NKAIN2: variants seen among roughly 807,000 people sequenced by gnomAD.
NKAIN2 encodes the protein sodium/potassium transporting ATPase interacting 2.
Under a neutral mutation model 32.6 loss-of-function variants are expected in NKAIN2, and 14 were observed. The ratio of observed to expected loss-of-function variants is 0.43; its 90% CI spans 0.28 to 0.67. The LOEUF is 0.67. NKAIN2 is among the 30% of genes least tolerant of loss of function. The pLI is 0.17. For synonymous variants in NKAIN2, 80 were observed against 87.2 expected, an observed-to-expected ratio of 0.92 and a Z score of 0.46; for missense variants, 198 against 258.3, an observed-to-expected ratio of 0.77 and a Z score of 1.60.
intron 1 of NKAIN2, among the ~76,000 whole-genome samples, chr6:123,856,128 G>A (rs1454669102): frequency 6.6e-6 from 1 of 151,922 alleles, no homozygotes; most frequent in East Asian, 1.9e-4. Flanking sequence ...AAATTTGTAT[G>A]GCCTGTTTAT....
chr6:124,148,323 A>G (rs1314367234), intron 1 of NKAIN2, among the ~76,000 whole-genome samples: 1 of 152,132 alleles, frequency 6.6e-6, no homozygotes, highest in East Asian at 1.9e-4. Flanking sequence ...GTATATTTAC[A>G]AAGTTGTGCA....
chr6:124,384,496 G>C (rs772624415), intron 3 of NKAIN2, among the ~76,000 whole-genome samples: 2 of 152,124 alleles, frequency 1.3e-5, no homozygotes, highest in Non-Finnish European at 2.9e-5. Flanking sequence ...TAAATTATGT[G>C]CTTTATCAAG....
intron 1 of NKAIN2, among the ~76,000 whole-genome samples, chr6:124,268,987 T>C (rs1304803682): frequency 6.6e-6 from 1 of 152,190 alleles, no homozygotes; most frequent in East Asian, 1.9e-4. Flanking sequence ...AGAGTAATGC[T>C]ATTAATATTA....
rs551172764 is a variant in NKAIN2 at position 124,513,719 on chromosome 6, T to C, written c.274-144467T>C. Among the ~76,000 whole-genome samples the C allele has an allele frequency of 1.1e-4, 17 of 152,262 alleles. No individual in the cohort carries two copies. The South Asian group carries it at 3.3e-3, about 30-fold the overall frequency. On this transcript the variant is annotated intron_variant, in intron 3 of 6. Coordinates refer to ENST00000368417, the MANE Select transcript of NKAIN2 (RefSeq NM_001040214.3). ...GTAATAGTAACAGAATCACCAAAAG[T>C]CTATTTGAGAGGCATATAGAAAGCT...
At chr6:124,548,253 C>G (rs1780165707) in intron 3 of NKAIN2, among the ~76,000 whole-genome samples, 1 of 152,156 alleles carries the variant, frequency 6.6e-6, no homozygotes, top group Non-Finnish European at 1.5e-5. Flanking sequence ...AGGAATTCTA[C>G]TAACTTATGC....
At chr6:124,345,692 AT>A (rs1309671122) in intron 2 of NKAIN2, among the ~76,000 whole-genome samples, 1 of 151,546 alleles carries the variant, frequency 6.6e-6, no homozygotes. Flanking sequence ...CCCCTTTATC[AT>A]TTTTTATTGC....
intron 1 of NKAIN2, among the ~76,000 whole-genome samples, chr6:124,221,723 C>T (rs1011531466): frequency 6.6e-6 from 1 of 152,006 alleles, no homozygotes; most frequent in African/African-American, 2.4e-5. Context: ...GAGGCCATAA[C>T]CATCTGGAAT....
chr6:123,923,201 A>G (rs918193694), intron 1 of NKAIN2, among the ~76,000 whole-genome samples: 1 of 152,232 alleles, frequency 6.6e-6, no homozygotes, highest in African/African-American at 2.4e-5. Context: ...GCCAGCTACC[A>G]TATTACTTTG....
At chr6:123,953,119 T>C (rs1290892409) in intron 1 of NKAIN2, among the ~76,000 whole-genome samples, 3 of 152,152 alleles carry the variant, frequency 2.0e-5, no homozygotes, top group Non-Finnish European at 4.4e-5. Context: ...TAGTGTAGTG[T>C]TCTTATCATT....
At chr6:124,045,073 A>G (rs73770322) in intron 1 of NKAIN2, among the ~76,000 whole-genome samples, 16,105 of 151,906 alleles carry the variant, frequency 0.11, 1,152 homozygotes, top group African/African-American at 0.2. Context: ...TTTGAAACCT[A>G]TCTCTTCCTT....
intron 2 of NKAIN2, among the ~76,000 whole-genome samples, chr6:124,314,316 T>C (rs186455444): frequency 7.9e-5 from 12 of 152,224 alleles, no homozygotes; most frequent in African/African-American, 2.9e-4. Flanking sequence ...TTCAGGACTT[T>C]GGGTTTAGCA....
intron 1 of NKAIN2, among the ~76,000 whole-genome samples, chr6:124,237,082 A>T (rs144257799): frequency 4.5e-3 from 680 of 152,324 alleles, no homozygotes; most frequent in Non-Finnish European, 7.6e-3. Flanking sequence ...ACCGACGATC[A>T]TTGAGACATA....
chr6:124,766,244 C>T (rs1294568317), intron 4 of NKAIN2, among the ~76,000 whole-genome samples: 5 of 152,162 alleles, frequency 3.3e-5, no homozygotes, highest in Admixed American at 2.0e-4. Context: ...CTCTAAGACC[C>T]TCGTTTAAAG....
At chr6:124,507,482 C>A (rs2114763884) in intron 3 of NKAIN2, among the ~76,000 whole-genome samples, 1 of 151,964 alleles carries the variant, frequency 6.6e-6, no homozygotes, top group African/African-American at 2.4e-5. Flanking sequence ...TGGTTTTTTG[C>A]TTGGTTTAAA....
chr6:124,243,724 C>CA (rs141425086), intron 1 of NKAIN2, among the ~76,000 whole-genome samples: 4,127 of 152,066 alleles, frequency 0.027, 171 homozygotes, highest in African/African-American at 0.095. Context: ...TCTCTGCTAC[C>CA]AAACATCAGA....
intron 3 of NKAIN2, among the ~76,000 whole-genome samples, chr6:124,538,613 A>G (rs1779801013): frequency 6.6e-6 from 1 of 152,088 alleles, no homozygotes; most frequent in Non-Finnish European, 1.5e-5. Flanking sequence ...ACTATTATTC[A>G]GATAGTTTAT....
intron 5 of NKAIN2, among the ~76,000 whole-genome samples, chr6:124,814,552 C>T (rs557138115): frequency 2.0e-5 from 3 of 152,190 alleles, no homozygotes; most frequent in South Asian, 2.1e-4. Flanking sequence ...GCTTTAGTGC[C>T]GTCCTCCCTA....
chr6:124,085,368 T>C (rs560151914), intron 1 of NKAIN2, among the ~76,000 whole-genome samples: 1 of 152,140 alleles, frequency 6.6e-6, no homozygotes, highest in East Asian at 1.9e-4. Context: ...CAAGAACCAC[T>C]GTAGCAAATA....
intron 1 of NKAIN2, among the ~76,000 whole-genome samples, chr6:124,087,523 G>A (rs186697249): frequency 1.3e-5 from 2 of 151,820 alleles, no homozygotes. Flanking sequence ...AAATCTAAAA[G>A]AATTGACAAA....
Sources: allele counts gnomAD v4.1 joint callset (sites outside exome capture counted in the v4.1 genomes callset), GRCh38; gene constraint gnomAD v4.1.1; transcripts MANE v1.5; gene names NCBI Gene and HGNC (gene_info 2026-07-23, HGNC 2026-07-21).